The following ZRANB1 variants were observed in gnomAD, a reference collection of about 807,000 sequenced individuals.
ZRANB1 encodes zinc finger RANBP2-type containing 1.
In ZRANB1, 16 loss-of-function variants were observed where a neutral mutation model predicts 80.5. The observed-to-expected ratio is 0.20, with a 90% confidence interval of 0.13 to 0.30. The LOEUF is 0.30. Among genes scored for constraint, ZRANB1 ranks in the 10% least tolerant of loss-of-function variants. The probability of loss-of-function intolerance (pLI) is 1.00; values close to 1 mark genes in which losing one functional copy is unlikely to be tolerated. For missense variants in ZRANB1, 576 were observed against 862.6 expected (o/e 0.67, Z 4.16); for synonymous variants, 291 against 293.1 (o/e 0.99, Z 0.07).
At chr10:124,920,738 G>A in the ZRANB1 span, among the ~76,000 whole-genome samples, 1 of 151,928 alleles carries the variant, frequency 6.6e-6, no homozygotes, top group Admixed American at 6.6e-5. Flanking sequence ...CTTCTCTTGC[G>A]TGAGACTTTC....
intron 1 of ZRANB1, among the ~76,000 whole-genome samples, chr10:124,963,554 G>GTTTTTTTTTTTTTTTTTT (rs760813299): frequency 5.2e-3 from 296 of 57,162 alleles, no homozygotes; most frequent in East Asian, 8.0e-3. Context: ...TTTTTTGTTT[G>GTTTTTTTTTTTTTTTTTT]TTTTTTTTTT....
At chr10:124,971,908 T>C (rs1951829446) in intron 2 of ZRANB1, 57 bp from the exon 3 acceptor site, 1 of 1,456,136 alleles carries the variant, frequency 6.9e-7, no homozygotes, top group African/African-American at 1.4e-5. Context: ...AATACTGTTG[T>C]TTTCTGCTTC....
chr10:124,931,249 T>G, the ZRANB1 span, among the ~76,000 whole-genome samples: 342 of 152,144 alleles, frequency 2.2e-3, 2 homozygotes, highest in African/African-American at 8.0e-3. Flanking sequence ...TATAACGATT[T>G]TTTGTAGAGA....
At chr10:124,971,924 A>G in intron 2 of ZRANB1, 41 bp from the exon 3 acceptor site, 3 of 1,500,226 alleles carry the variant, frequency 2.0e-6, no homozygotes, top group Non-Finnish European at 2.7e-6. Flanking sequence ...GCTTCCACTT[A>G]TGATACATGA....
chr10:124,967,097 GGGATACAATTGT>G (rs1347543259), intron 2 of ZRANB1, among the ~76,000 whole-genome samples: 7 of 152,188 alleles, frequency 4.6e-5, no homozygotes, highest in Non-Finnish European at 8.8e-5. Context: ...AGGCTGAGAA[GGGATACAATTGT>G]AAAGATACTG....
At chr10:124,968,853 T>C (rs1951797663) in intron 2 of ZRANB1, among the ~76,000 whole-genome samples, 1 of 152,206 alleles carries the variant, frequency 6.6e-6, no homozygotes, top group Non-Finnish European at 1.5e-5. Context: ...AGTATATTTA[T>C]TGCAGTATCA....
In ZRANB1 at chr10:124,942,434, A is replaced by G; in HGVS notation, c.-60A>G. 1.9e-6 allele frequency: 3 copies of G among 1,592,578 alleles called. No homozygotes were observed. The highest frequency in any genetic ancestry group is 2.6e-6 in the Non-Finnish European group (3 of 1,166,438). ...GGAGGTGGAATGTAGTTATTTTAAT[A>G]ACCATGTCCTAATTATTTATAGCTT... On this transcript the variant is annotated 5_prime_UTR_variant, in exon 1 of 9. In the 5' UTR this introduces an upstream ATG that the reference lacks. Transcript: ENST00000359653.
At chr10:124,978,068 G>A (rs942843922) in intron 5 of ZRANB1, among the ~76,000 whole-genome samples, 26 of 152,180 alleles carry the variant, frequency 1.7e-4, no homozygotes, top group African/African-American at 5.3e-4. Context: ...ATTGGGGGGT[G>A]GGTTGGGGTG....
chr10:124,967,880 C>T (rs1407089358), intron 2 of ZRANB1, among the ~76,000 whole-genome samples: 2 of 151,476 alleles, frequency 1.3e-5, no homozygotes, highest in African/African-American at 4.9e-5. Flanking sequence ...AATGTGACTA[C>T]ATTATCCAGG....
Position 124,942,488 on chromosome 10 carries a change from T to G in ZRANB1, c.-6T>G. On this transcript the variant is annotated 5_prime_UTR_variant, in exon 1 of 9. Transcript: ENST00000359653. ...GCCTGACACAGCTCACTTCAAGAAG[T>G]GCACAATGTCAGAACGTGGAATTAA... 1 of 1,614,186 alleles carries G rather than the reference T, an allele frequency of 6.2e-7. No homozygotes were observed. Among genetic ancestry groups the G allele is most frequent in the Middle Eastern group, 1.6e-4 (1 of 6,062 alleles).
In ZRANB1 at chr10:124,985,770, T is replaced by G. The variant is rs1952018919; in HGVS notation, c.*778T>G. ...TTCTGGGCAGTGGTCTGTGAGTAGT[T>G]TTTTTCCTGGATGAAAAGGGAGCAA... On this transcript the variant is annotated 3_prime_UTR_variant, in exon 9 of 9. Coordinates refer to ENST00000359653, the MANE Select transcript of ZRANB1 (RefSeq NM_017580.3). The G allele has an allele frequency of 6.6e-6, 1 of 152,236 alleles. No individual in the cohort carries two copies. Among genetic ancestry groups the G allele is most frequent in the Admixed American group, 6.5e-5 (1 of 15,274 alleles). The allele number at this position is 152,236 out of a possible 1,614,324, so 9.4% of individuals were successfully genotyped here.
chr10:124,981,491 A>C (rs1019411831), intron 5 of ZRANB1: 1 of 377,138 alleles, frequency 2.7e-6, no homozygotes, highest in Non-Finnish European at 4.6e-6. Context: ...CGGTAAATCA[A>C]ATTCTGACTA....
the ZRANB1 span, among the ~76,000 whole-genome samples, chr10:124,933,138 CT>C: frequency 0.77 from 102,615 of 132,584 alleles, 40,499 homozygotes; most frequent in East Asian, 0.94. Context: ...TCTTTTCTTT[CT>C]TTTTTTTTTT....
At chr10:124,972,301 C>T (rs1309782721) in intron 3 of ZRANB1, among the ~76,000 whole-genome samples, 183 bp downstream of exon 3, 5 of 152,172 alleles carry the variant, frequency 3.3e-5, no homozygotes, top group Non-Finnish European at 5.9e-5. Flanking sequence ...TTAGGAAATG[C>T]GTCTGCTATC....
chr10:124,978,420 C>T (rs1229083389), intron 5 of ZRANB1, among the ~76,000 whole-genome samples: 1 of 152,160 alleles, frequency 6.6e-6, no homozygotes, highest in Non-Finnish European at 1.5e-5. Context: ...TGAACCCCTC[C>T]ACCCGTCACT....
intron 1 of ZRANB1, among the ~76,000 whole-genome samples, chr10:124,963,549 T>G (rs1453566123): frequency 7.2e-4 from 91 of 126,666 alleles, no homozygotes; most frequent in South Asian, 2.1e-3. Context: ...TTTTTTTTTT[T>G]GTTTGTTTTT....
chr10:124,961,981 G>C (rs1050218745), intron 1 of ZRANB1, among the ~76,000 whole-genome samples: 3 of 152,154 alleles, frequency 2.0e-5, no homozygotes, highest in Non-Finnish European at 4.4e-5. Flanking sequence ...AATTATTTCT[G>C]AGATTGTTCC....
intron 1 of ZRANB1, among the ~76,000 whole-genome samples, chr10:124,958,168 G>A (rs76829996): frequency 0.081 from 12,379 of 152,198 alleles, 694 homozygotes; most frequent in Admixed American, 0.16. Context: ...TTCTTGTAAC[G>A]ATCTTTGATA....
chr10:124,981,579 C>A, intron 5 of ZRANB1, 130 bp from the exon 6 acceptor site: 1 of 876,510 alleles, frequency 1.1e-6, no homozygotes, highest in Non-Finnish European at 1.6e-6. Context: ...CATTACCAAC[C>A]AGACAAAATA....
Sources: gnomAD v4.1 joint callset for allele counts (sites outside exome capture counted in the v4.1 genomes callset) on GRCh38, gnomAD v4.1.1 for gene constraint, MANE v1.5 for transcripts, NCBI Gene and HGNC (gene_info 2026-07-23, HGNC 2026-07-21) for gene names.